Variants in ZFPM1 observed in about 807,000 individuals in gnomAD.
ZFPM1 encodes the protein zinc finger protein, FOG family member 1.
ZFPM1 carries 28 observed loss-of-function variants against 46.3 expected under a neutral mutation model. The observed-to-expected ratio is 0.60, with a 90% CI of 0.45 to 0.83. The LOEUF is 0.83. Ranked by LOEUF, ZFPM1 falls within the 40% of genes least tolerant of loss-of-function variation. ZFPM1 has a pLI of 0.00. For synonymous variants in ZFPM1, 957 were observed against 675.9 expected, an observed-to-expected ratio of 1.42 and a Z score of -6.45; for missense variants, 1,878 against 1,432.4, an observed-to-expected ratio of 1.31 and a Z score of -5.02.
In ZFPM1 at chr16:88,505,674, C is replaced by G. The variant is rs76207867; in HGVS notation, c.269-8713C>G. Among the ~76,000 whole-genome samples, 16 of 152,316 alleles carry G rather than the reference C, an allele frequency of 1.1e-4. No homozygotes were observed. The East Asian group carries it at 1.4e-3, about 13-fold the overall frequency. On this transcript the variant is annotated intron_variant, in intron 3 of 9. Transcript: ENST00000319555. ...CTACCATTCCCTGGAGCCAGCACCC[C>G]CTGCCGTCAGCTCCCGGGAACGCAG...
rs1404121280 is a variant in ZFPM1 at position 88,471,023 on chromosome 16, C to G, written c.41-14916C>G. Among the ~76,000 whole-genome samples the G allele has an allele frequency of 6.6e-6, 1 of 152,152 alleles. No homozygotes were observed. The highest frequency in any genetic ancestry group is 1.5e-5 in the Non-Finnish European group (1 of 68,000). Reference sequence around the variant, plus strand: ...TACCTCACCCGGTGGGGTCCAGCCTCCGCGACAGGCATTCCCTTCCCCGTG... The same window carrying G: ...TACCTCACCCGGTGGGGTCCAGCCTGCGCGACAGGCATTCCCTTCCCCGTG... On this transcript the variant is annotated intron_variant, in intron 1 of 9. Transcript: ENST00000319555. The surrounding 1 kb of genome is among the most constrained non-coding windows in gnomAD (Gnocchi z 4.1).
chr16:88,517,576 CTAAT>C lies in ZFPM1; in HGVS notation c.402+3057_402+3060del, dbSNP rs201310125. Among the ~76,000 whole-genome samples, 909 of 129,616 alleles carry C rather than the reference CTAAT, an allele frequency of 7.0e-3. 7 individuals are homozygous for C. The highest frequency in any genetic ancestry group is 0.025 in the African/African-American group (864 of 33,968). 85.0% of individuals were successfully genotyped at this position (129,616 alleles called of 152,430 possible). ...AGTGGGTGAAGGAGGGGTGGATAGA[CTAAT>C]GGATGGATAAATGAGTGGGTGAATG... On this transcript the variant is annotated intron_variant, in intron 4 of 9. Coordinates refer to ENST00000319555, the MANE Select transcript of ZFPM1 (RefSeq NM_153813.3).
At chr16:88,526,969 T>C (rs1256806745) in intron 5 of ZFPM1, 53 bp downstream of exon 5, 2 of 1,525,846 alleles carry the variant, frequency 1.3e-6, no homozygotes, top group Non-Finnish European at 1.8e-6. Flanking sequence ...TGGGGGTCAC[T>C]TGGCTCCCCC....
chr16:88,461,265 C>T (rs1016128371), intron 1 of ZFPM1, among the ~76,000 whole-genome samples: 2 of 147,490 alleles, frequency 1.4e-5, no homozygotes, highest in East Asian at 4.0e-4. Flanking sequence ...TGGTGAGGAC[C>T]GACGGGTGCG....
Position 88,534,292 on chromosome 16 carries a change from CCCCGGCCTCGCCCCTGCGCGCTCG to C in ZFPM1, c.2342_2365del (p.Leu781_Gly788del). On this transcript the variant is annotated inframe_deletion, in exon 10 of 10. Coordinates refer to ENST00000319555, the MANE Select transcript of ZFPM1 (RefSeq NM_153813.3). The stretch of plus-strand genomic sequence containing the variant: ...GGCCCGGAAGCGGAAGCGGAAGCGG[CCCCGGCCTCGCCCCTGCGCGCTCG>C]CCCGGCCCCGCGGCCGACGGCCCCA... 8.2e-7 allele frequency: 1 copy of C among 1,215,822 alleles called. No individual in the cohort carries two copies. The highest frequency in any genetic ancestry group is 4.3e-5 in the Admixed American group (1 of 23,424). 75.3% of individuals were successfully genotyped at this position (1,215,822 alleles called of 1,614,324 possible).
At chr16:88,462,180 C>A (rs188991791) in intron 1 of ZFPM1, among the ~76,000 whole-genome samples, 1 of 152,206 alleles carries the variant, frequency 6.6e-6, no homozygotes, top group Non-Finnish European at 1.5e-5. Flanking sequence ...TCCCCAGCTT[C>A]CCCTGGGCTG....
At chr16:88,464,705 G>T (rs1171497429) in intron 1 of ZFPM1, among the ~76,000 whole-genome samples, 2 of 152,276 alleles carry the variant, frequency 1.3e-5, no homozygotes, top group African/African-American at 4.8e-5. Flanking sequence ...GCTGCGGCCT[G>T]GTCCGCCCTG....
intron 9 of ZFPM1, 65 bp from the exon 10 acceptor site, chr16:88,533,083 C>T: frequency 6.8e-7 from 1 of 1,469,982 alleles, no homozygotes; most frequent in Non-Finnish European, 9.0e-7. Context: ...GGAGCTCGCC[C>T]TCCAGCTCTG....
intron 4 of ZFPM1, 121 bp downstream of exon 4, chr16:88,514,641 G>A: frequency 7.8e-7 from 1 of 1,288,850 alleles, no homozygotes; most frequent in Non-Finnish European, 1.0e-6. Context: ...ATGTGGGCCT[G>A]AGATATTGGG....
At chr16:88,478,082 C>T (rs1908764562) in intron 1 of ZFPM1, among the ~76,000 whole-genome samples, 1 of 152,116 alleles carries the variant, frequency 6.6e-6, no homozygotes, top group South Asian at 2.1e-4. Flanking sequence ...GGTGGAGCCG[C>T]TCAACCGCCA....
chr16:88,453,124 A>G (rs1212278092), upstream of ZFPM1, among the ~76,000 whole-genome samples: 1 of 143,532 alleles, frequency 7.0e-6, no homozygotes, highest in Admixed American at 6.9e-5. Context: ...AGAGCAACGA[A>G]GAGCCGGGCT....
intron 3 of ZFPM1, among the ~76,000 whole-genome samples, chr16:88,498,590 G>C (rs541363088): frequency 1.3e-5 from 2 of 152,210 alleles, no homozygotes; most frequent in Non-Finnish European, 2.9e-5. Context: ...CCACATGTCC[G>C]AGGGGCAGGC....
At chr16:88,489,780 T>G (rs553925177) in intron 3 of ZFPM1, among the ~76,000 whole-genome samples, 1 of 152,250 alleles carries the variant, frequency 6.6e-6, no homozygotes, top group Non-Finnish European at 1.5e-5. Flanking sequence ...CTTCGGGGAC[T>G]GTGAATTCCA....
chr16:88,494,542 C>T (rs80103293), intron 3 of ZFPM1, among the ~76,000 whole-genome samples: 243 of 152,156 alleles, frequency 1.6e-3, no homozygotes, highest in African/African-American at 5.7e-3. Context: ...ACCCAGGAAG[C>T]GAGGGGGAAA....
intron 4 of ZFPM1, 63 bp from the exon 5 acceptor site, chr16:88,526,751 C>T (rs887336373): frequency 7.9e-6 from 12 of 1,515,262 alleles, no homozygotes; most frequent in Middle Eastern, 2.2e-4. Flanking sequence ...CACATACTCA[C>T]GGGAACCCCC....
intron 1 of ZFPM1, among the ~76,000 whole-genome samples, chr16:88,475,314 A>C (rs1290768203): frequency 1.3e-5 from 2 of 152,176 alleles, no homozygotes; most frequent in Non-Finnish European, 2.9e-5. Context: ...CACAGGGACC[A>C]TGGTGAGGGC....
chr16:88,495,849 A>T (rs1256794084), intron 3 of ZFPM1, among the ~76,000 whole-genome samples: 1 of 152,112 alleles, frequency 6.6e-6, no homozygotes, highest in East Asian at 1.9e-4. Context: ...TGGTAACCAA[A>T]TGTATGAAAC....
At chr16:88,455,471 C>T (rs1372071768) in intron 1 of ZFPM1, among the ~76,000 whole-genome samples, 1 of 152,160 alleles carries the variant, frequency 6.6e-6, no homozygotes, top group African/African-American at 2.4e-5. Flanking sequence ...CATGGCAGAT[C>T]TCAGCACGTT....
intron 4 of ZFPM1, among the ~76,000 whole-genome samples, chr16:88,526,228 C>T (rs936801346): frequency 1.3e-5 from 2 of 152,214 alleles, no homozygotes; most frequent in Non-Finnish European, 2.9e-5. Context: ...CTGCCACGCC[C>T]TGTGGCAGGG....
Sources: allele counts gnomAD v4.1 joint callset (sites outside exome capture counted in the v4.1 genomes callset), GRCh38; gene constraint gnomAD v4.1.1; non-coding constraint Gnocchi (gnomAD v3.1); transcripts MANE v1.5; gene names NCBI Gene and HGNC (gene_info 2026-07-23, HGNC 2026-07-21).